Variants in TECPR2 observed in about 807,000 individuals in gnomAD.
TECPR2 encodes the protein tectonin beta-propeller repeat containing 2.
In TECPR2, 65 loss-of-function variants were observed where a neutral mutation model predicts 138.1. That is an observed-to-expected ratio of 0.47 (90% CI 0.39 to 0.58). TECPR2 has a LOEUF of 0.58. Ranked by LOEUF, TECPR2 falls within the 20% of genes least tolerant of loss-of-function variation. The pLI, the probability that TECPR2 is intolerant of heterozygous loss-of-function variation, is 0.00. For missense variants in TECPR2, 1,553 were observed against 1,824.5 expected (o/e 0.85, Z 2.71); for synonymous variants, 746 against 749.8 (o/e 0.99, Z 0.08).
At position 102,452,468 on chromosome 14, in the gene TECPR2, T is replaced by G; in HGVS notation, c.3481T>G (p.Ser1161Ala). 6 of 1,613,720 alleles carry G rather than the reference T, an allele frequency of 3.7e-6. No individual in the cohort carries two copies. Among genetic ancestry groups the G allele is most frequent in the Non-Finnish European group, 5.1e-6 (6 of 1,179,968 alleles). Residue 1161 changes from serine (S) to alanine (A), a missense_variant, in exon 16 of 20, where the codon TCC becomes GCC. Physicochemically the swap from Ser to Ala is moderately conservative, Grantham distance 99 (BLOSUM62 1). Transcript: ENST00000359520. The stretch of plus-strand genomic sequence containing the variant: ...CGCCCAGAGCGCACAGTCGCGGCCC[T>G]CCACGGTGCAGCTGCCTCCCGAAGC... ...VSAQSAQSRP[S>A]TVQLPPEAEM...
intron 4 of TECPR2, 63 bp from the exon 5 acceptor site, chr14:102,414,573 C>T: frequency 6.3e-7 from 1 of 1,594,272 alleles, no homozygotes; most frequent in South Asian, 1.1e-5. Context: ...CTGACTTGTC[C>T]TAAGGGAGGT....
chr14:102,436,740 G>A (rs560081483), intron 9 of TECPR2, among the ~76,000 whole-genome samples: 1 of 152,226 alleles, frequency 6.6e-6, no homozygotes, highest in Non-Finnish European at 1.5e-5. Flanking sequence ...GCAGCTAGTT[G>A]TGGATTCCAT....
chr14:102,372,073 C>A (rs1177969638), intron 1 of TECPR2, among the ~76,000 whole-genome samples: 2 of 152,014 alleles, frequency 1.3e-5, no homozygotes, highest in Non-Finnish European at 2.9e-5. Context: ...CAGCCTTGAT[C>A]TCCTGGGCTC....
chr14:102,425,677 G>C (rs1027844905), intron 6 of TECPR2, among the ~76,000 whole-genome samples: 1 of 151,736 alleles, frequency 6.6e-6, no homozygotes, highest in Admixed American at 6.6e-5. Flanking sequence ...CCAGGTTCAA[G>C]CGATTCTCCT....
At chr14:102,470,639 CTTTTT>C (rs200949179) in intron 17 of TECPR2, among the ~76,000 whole-genome samples, 1 of 136,018 alleles carries the variant, frequency 7.4e-6, no homozygotes, top group Non-Finnish European at 1.6e-5. Flanking sequence ...TCTTCTTCTT[CTTTTT>C]TTTTTTTTTT....
At chr14:102,482,764 C>T (rs540403768) in intron 17 of TECPR2, among the ~76,000 whole-genome samples, 3 of 151,910 alleles carry the variant, frequency 2.0e-5, no homozygotes, top group Admixed American at 1.3e-4. Flanking sequence ...AAACCATTTT[C>T]CTTTAGGATT....
intron 1 of TECPR2, among the ~76,000 whole-genome samples, chr14:102,366,375 A>T (rs907288179): frequency 1.3e-5 from 2 of 152,130 alleles, no homozygotes; most frequent in African/African-American, 4.8e-5. Context: ...GAGATGAAAT[A>T]TCACTCTGTC....
chr14:102,445,010 C>T lies in TECPR2; in HGVS notation c.2934-796C>T, dbSNP rs117507115. Reference sequence around the variant, plus strand: ...CCAGAATGGTGCTAGGGGCTGGGTGCGCCAAGAGGGCTGAGACTGGCCCTG... The same window carrying T: ...CCAGAATGGTGCTAGGGGCTGGGTGTGCCAAGAGGGCTGAGACTGGCCCTG... On this transcript the variant is annotated intron_variant, in intron 12 of 19. Coordinates refer to ENST00000359520, the MANE Select transcript of TECPR2 (RefSeq NM_014844.5). Among the ~76,000 whole-genome samples, 11 of 152,306 alleles carry T rather than the reference C, an allele frequency of 7.2e-5. No individual in the cohort carries two copies. In the Middle Eastern group the frequency reaches 0.01, roughly 141 times the overall value.
intron 2 of TECPR2, among the ~76,000 whole-genome samples, chr14:102,400,167 TC>T (rs1326657021): frequency 6.6e-6 from 1 of 151,640 alleles, no homozygotes; most frequent in Non-Finnish European, 1.5e-5. Context: ...TGCCTCAGCC[TC>T]CCAAGTAGCT....
intron 17 of TECPR2, among the ~76,000 whole-genome samples, chr14:102,482,631 T>C (rs1345495611): frequency 6.6e-6 from 1 of 152,174 alleles, no homozygotes. Context: ...GGGTGGAGTT[T>C]ATCTTCCAGT....
Position 102,415,333 on chromosome 14 carries a change from C to T in TECPR2, c.638+540C>T, listed in dbSNP as rs1888995605. ...ACACAGGATGCTGTGTGAGTTTAGA[C>T]ACACTTTTGTCCAGGTGAAGGGTCA... On this transcript the variant is annotated intron_variant, in intron 5 of 19. Coordinates refer to ENST00000359520, the MANE Select transcript of TECPR2 (RefSeq NM_014844.5). This position sits in a 1 kb window ranked among gnomAD's most constrained non-coding sequence, Gnocchi z 4.3. Among the ~76,000 whole-genome samples the T allele has an allele frequency of 6.6e-6, 1 of 152,174 alleles. No individual in the cohort carries two copies. Among genetic ancestry groups the T allele is most frequent in the African/African-American group, 2.4e-5 (1 of 41,442 alleles).
chr14:102,460,200 G>A (rs528752809), intron 16 of TECPR2, among the ~76,000 whole-genome samples: 1 of 152,222 alleles, frequency 6.6e-6, no homozygotes, highest in Admixed American at 6.5e-5. Flanking sequence ...AACCCGAGAG[G>A]CAGAGGCTCC....
chr14:102,436,773 AG>A (rs1344278511), intron 9 of TECPR2, among the ~76,000 whole-genome samples: 3 of 152,160 alleles, frequency 2.0e-5, no homozygotes, highest in Non-Finnish European at 2.9e-5. Context: ...CAGAGTCTTG[AG>A]GGGGAGCCAG....
intron 12 of TECPR2, 26 bp from the exon 13 acceptor site, chr14:102,445,780 C>A: frequency 6.2e-7 from 1 of 1,609,740 alleles, no homozygotes; most frequent in Non-Finnish European, 8.5e-7. Flanking sequence ...GGGTGCTGAC[C>A]CCCCTGTTCT....
At chr14:102,459,884 C>T (rs747272682) in intron 16 of TECPR2, among the ~76,000 whole-genome samples, 47 of 152,206 alleles carry the variant, frequency 3.1e-4, no homozygotes, top group Admixed American at 6.5e-4. Flanking sequence ...ACAGCATGAC[C>T]TCTGCTCCCT....
rs1220085067 is a variant in TECPR2 at position 102,398,092 on chromosome 14, GAAAA to G, written c.220-9243_220-9240del. On this transcript the variant is annotated intron_variant, in intron 2 of 19. Transcript: ENST00000359520. ...TGTCTCAAAAAAAAAAAAAAAAAAA[GAAAA>G]AAGAAAGAAAAGAAAAAGGAAAACA... 8.5e-5 allele frequency among the ~76,000 whole-genome samples: 11 copies of G among 128,848 alleles called. No homozygotes were observed. In the Middle Eastern group the frequency reaches 0.013, roughly 155 times the overall value. The allele number at this position is 128,848 out of a possible 152,430, so 84.5% of individuals were successfully genotyped here.
intron 2 of TECPR2, among the ~76,000 whole-genome samples, chr14:102,407,095 G>T (rs1218578894): frequency 6.6e-6 from 1 of 152,172 alleles, no homozygotes; most frequent in Non-Finnish European, 1.5e-5. Flanking sequence ...CCTGACCTCA[G>T]GTGATCTGCT....
chr14:102,468,833 G>A lies in TECPR2; in HGVS notation c.3789+3544G>A, dbSNP rs115794493. Among the ~76,000 whole-genome samples the A allele has an allele frequency of 3.4e-3, 518 of 152,228 alleles. 2 individuals carry two copies. Among genetic ancestry groups the A allele is most frequent in the African/African-American group, 0.011 (463 of 41,538 alleles). ...ATGCATTCTTTTACATGTGGGTATC[G>A]AATTGTACCAGCACCATTTATTGAA... On this transcript the variant is annotated intron_variant, in intron 17 of 19. Transcript: ENST00000359520.
chr14:102,402,461 C>A (rs1173698227), intron 2 of TECPR2, among the ~76,000 whole-genome samples: 1 of 151,876 alleles, frequency 6.6e-6, no homozygotes, highest in Non-Finnish European at 1.5e-5. Context: ...CTCAAATCAA[C>A]AACCTAAACT....
Sources: allele counts gnomAD v4.1 joint callset (sites outside exome capture counted in the v4.1 genomes callset), GRCh38; gene constraint gnomAD v4.1.1; non-coding constraint Gnocchi (gnomAD v3.1); transcripts MANE v1.5; gene names NCBI Gene and HGNC (gene_info 2026-07-23, HGNC 2026-07-21).